Variants in ITGB8 observed in about 807,000 individuals in gnomAD.
ITGB8 encodes integrin beta-8.
ITGB8 carries 30 observed loss-of-function variants against 89.5 expected under a neutral mutation model. The observed-to-expected ratio is 0.34, with a 90% CI of 0.25 to 0.45. The LOEUF is 0.45. Among genes scored for constraint, ITGB8 ranks in the 20% least tolerant of loss-of-function variants. ITGB8 has a pLI of 1.00. For synonymous variants in ITGB8, 335 were observed against 320.4 expected (o/e 1.05, Z -0.49); for missense variants, 836 against 933.3 (o/e 0.90, Z 1.36).
chr7:20,339,039 A>G (rs1404458640), intron 1 of ITGB8, among the ~76,000 whole-genome samples: 3 of 152,090 alleles, frequency 2.0e-5, no homozygotes, highest in Non-Finnish European at 4.4e-5. Flanking sequence ...TAAAAATACA[A>G]AAATTAGCTG....
intron 1 of ITGB8, chr7:20,346,678 C>A (rs1002232830): frequency 1.0e-6 from 1 of 984,814 alleles, no homozygotes; most frequent in African/African-American, 1.7e-5. Context: ...CCAAAAGCAA[C>A]GTGGACTTTC....
At position 20,413,551 on chromosome 7, in the gene ITGB8, C is replaced by T. The variant is rs1787835878; in HGVS notation, c.*3554C>T. 1 of 152,274 alleles carries T rather than the reference C, an allele frequency of 6.6e-6. No homozygotes were observed. Among genetic ancestry groups the T allele is most frequent in the Admixed American group, 6.6e-5 (1 of 15,238 alleles). The allele number at this position is 152,274 out of a possible 1,614,324, so 9.4% of individuals were successfully genotyped here. Reference sequence around the variant, plus strand: ...TTCTTACTCCTGTTTTTTCCACTCACTCTTCCCAAGAGATTTCCTAAAGCT... The same window carrying T: ...TTCTTACTCCTGTTTTTTCCACTCATTCTTCCCAAGAGATTTCCTAAAGCT... On this transcript the variant is annotated 3_prime_UTR_variant, in exon 14 of 14. Transcript: ENST00000222573.
chr7:20,363,655 C>G lies in ITGB8; in HGVS notation c.146C>G (p.Ser49Cys). 1 of 1,600,460 alleles carries G rather than the reference C, an allele frequency of 6.2e-7. No individual in the cohort carries two copies. Among genetic ancestry groups the G allele is most frequent in the Non-Finnish European group, 8.5e-7 (1 of 1,174,730 alleles). Residue 49 changes from serine to cysteine, a missense_variant, in exon 2 of 14, where the codon TCT becomes TGT. Ser to Cys is a moderately radical substitution (Grantham distance 112). This residue lies in a region of ITGB8 where 182 missense variants were observed against 177.0 expected (regional missense o/e 1.03). Transcript: ENST00000222573. ...ATTGCAGAAGACAATAGATGTGCAT[C>G]TTCAAATGCAGCATCCTGTGCCAGG... ...LGQGEDNRCA[S>C]SNAASCARCL...
Position 20,395,070 on chromosome 7 carries a change from C to T in ITGB8, c.1146+85C>T, listed in dbSNP as rs761873188. 1.1e-4 allele frequency: 82 copies of T among 741,596 alleles called. 1 individual carries two copies. The highest frequency in any genetic ancestry group is 1.7e-4 in the Non-Finnish European group (74 of 434,494). The allele number at this position is 741,596 out of a possible 1,614,324, so 45.9% of individuals were successfully genotyped here. On this transcript the variant is annotated intron_variant, in intron 8 of 13. Coordinates refer to ENST00000222573, the MANE Select transcript of ITGB8 (RefSeq NM_002214.3). ...GGTACAAAGTAGTGCCATGTCATCT[C>T]GAGAGGAGGAGTAGAAAGCATATTA...
At chr7:20,330,605 A>T (rs1784342083), upstream of ITGB8, 1 of 152,380 alleles carries the variant, frequency 6.6e-6, no homozygotes, top group African/African-American at 2.4e-5. Flanking sequence ...GAAAAGAAAG[A>T]GCTGGAGTGA....
intron 12 of ITGB8, 117 bp downstream of exon 12, chr7:20,406,288 C>A (rs559139400): frequency 1.5e-6 from 1 of 656,830 alleles, no homozygotes; most frequent in Non-Finnish European, 2.7e-6. Flanking sequence ...TGGTGGCTCA[C>A]ACCTGTAATC....
intron 1 of ITGB8, among the ~76,000 whole-genome samples, chr7:20,338,669 G>A (rs1468888246): frequency 2.0e-5 from 3 of 152,040 alleles, no homozygotes; most frequent in Admixed American, 1.3e-4. Context: ...ATATTATTGA[G>A]CCGGGGAGAC....
chr7:20,402,993 GTAAA>G (rs1198188566), intron 10 of ITGB8, among the ~76,000 whole-genome samples: 6 of 152,094 alleles, frequency 3.9e-5, no homozygotes, highest in Non-Finnish European at 5.9e-5. Context: ...TTGCATTTTA[GTAAA>G]TAAATATTTG....
chr7:20,341,327 A>G (rs1451239521), intron 1 of ITGB8, among the ~76,000 whole-genome samples: 2 of 152,240 alleles, frequency 1.3e-5, no homozygotes, highest in African/African-American at 2.4e-5. Context: ...TGAGAAAAAA[A>G]AGAAACATTC....
chr7:20,368,556 C>T (rs1220911806), intron 3 of ITGB8, among the ~76,000 whole-genome samples: 1 of 152,106 alleles, frequency 6.6e-6, no homozygotes, highest in Non-Finnish European at 1.5e-5. Context: ...TGTCTCCATA[C>T]AAATATGCCT....
intron 6 of ITGB8, among the ~76,000 whole-genome samples, chr7:20,387,908 C>T (rs1221611042): frequency 3.9e-5 from 6 of 152,112 alleles, no homozygotes; most frequent in African/African-American, 1.4e-4. Context: ...TTGCCTCTTT[C>T]CTCTAAAAAA....
chr7:20,404,937 G>T, intron 11 of ITGB8, 84 bp downstream of exon 11: 1 of 1,158,100 alleles, frequency 8.6e-7, no homozygotes, highest in Non-Finnish European at 1.3e-6. Context: ...CTTAAACGTT[G>T]CCAGATACAT....
intron 2 of ITGB8, chr7:20,365,026 T>C (rs1208416280): frequency 6.6e-6 from 1 of 152,212 alleles, no homozygotes. Flanking sequence ...GAAGCCCAGT[T>C]GTCAGCCACA....
intron 1 of ITGB8, among the ~76,000 whole-genome samples, chr7:20,342,291 A>T (rs1225902175): frequency 6.6e-6 from 1 of 152,216 alleles, no homozygotes; most frequent in African/African-American, 2.4e-5. Context: ...TTGACAATCT[A>T]GGAACTAAAT....
rs1407833024 is a variant in ITGB8, at chr7:20,362,129, C to T, written c.128-1508C>T. ...TGCAAACACAGGAGTAAACACAGTT[C>T]CTCCCTCTCTACTCTTCTCCTACTA... is the stretch of plus-strand genomic sequence containing the variant. On this transcript the variant is annotated intron_variant, in intron 1 of 13. Coordinates refer to ENST00000222573, the MANE Select transcript of ITGB8 (RefSeq NM_002214.3). Among the ~76,000 whole-genome samples, 4 of 152,176 alleles carry T rather than the reference C, an allele frequency of 2.6e-5. No individual in the cohort carries two copies. The South Asian group carries it at 6.2e-4, about 24-fold the overall frequency.
chr7:20,384,011 T>C (rs550202559), intron 6 of ITGB8, among the ~76,000 whole-genome samples: 2 of 152,164 alleles, frequency 1.3e-5, no homozygotes, highest in East Asian at 3.8e-4. Context: ...ACTGCCTACA[T>C]ATTAGGTAAA....
intron 1 of ITGB8, among the ~76,000 whole-genome samples, chr7:20,334,605 C>G (rs1009138961): frequency 6.6e-6 from 1 of 152,142 alleles, no homozygotes; most frequent in Non-Finnish European, 1.5e-5. Flanking sequence ...CAAAGCGTTG[C>G]ATAGCATAAG....
intron 1 of ITGB8, among the ~76,000 whole-genome samples, chr7:20,354,834 A>G (rs535016100): frequency 9.2e-5 from 14 of 152,344 alleles, no homozygotes; most frequent in East Asian, 5.8e-4. Flanking sequence ...CATCATTACA[A>G]GAGAAGGTGG....
intron 7 of ITGB8, 52 bp downstream of exon 7, chr7:20,391,550 A>T: frequency 7.9e-6 from 7 of 890,818 alleles, no homozygotes; most frequent in Non-Finnish European, 1.2e-5. Context: ...TGGTAATTGA[A>T]ATTAAGACAT....
Sources: allele counts gnomAD v4.1 joint callset (sites outside exome capture counted in the v4.1 genomes callset), GRCh38; gene constraint gnomAD v4.1.1; regional missense constraint gnomAD v4.1.1; transcripts MANE v1.5; gene names NCBI Gene and HGNC (gene_info 2026-07-23, HGNC 2026-07-21).